SERINC4: variants seen among roughly 807,000 people sequenced by gnomAD.
SERINC4 encodes serine incorporator 4.
In SERINC4, 52 loss-of-function variants were observed where a neutral mutation model predicts 52.0. That is an observed-to-expected ratio of 1.00 (90% CI 0.80 to 1.26). The LOEUF (loss-of-function observed/expected upper bound fraction) is 1.26. Ranked by LOEUF, SERINC4 falls within the 50% of genes most tolerant of loss-of-function variation. SERINC4 has a pLI of 0.00. For synonymous variants in SERINC4, 264 were observed against 247.7 expected, an observed-to-expected ratio of 1.07 and a Z score of -0.62; for missense variants, 723 against 632.8, an observed-to-expected ratio of 1.14 and a Z score of -1.53.
At position 43,795,502 on chromosome 15, in the gene SERINC4, GTTTCTTGGTC is replaced by G. The variant is rs1242388784; in HGVS notation, c.1219_1228del (p.Asp407ProfsTer92). 6.2e-7 allele frequency: 1 copy of G among 1,614,210 alleles called. No homozygotes were observed. Among genetic ancestry groups the G allele is most frequent in the East Asian group, 2.2e-5 (1 of 44,884 alleles). On this transcript the variant is annotated frameshift_variant, in exon 11 of 12. Coordinates refer to ENST00000319327, the MANE Select transcript of SERINC4 (RefSeq NM_001258031.2). LOFTEE classifies it high-confidence loss of function. Reference sequence around the variant, plus strand: ...GACTTGGACTGGAGGAGCTGGAGGGGTTTCTTGGTCAGCTGGCCTCGCAGCCCCACCCCTT... The same window carrying G: ...GACTTGGACTGGAGGAGCTGGAGGGGAGCTGGCCTCGCAGCCCCACCCCTT...
intron 3 of SERINC4, 80 bp downstream of exon 3, chr15:43,798,879 T>C (rs2087262704): frequency 7.2e-7 from 1 of 1,397,364 alleles, no homozygotes; most frequent in Non-Finnish European, 9.9e-7. Context: ...TGCTATTACT[T>C]CATCCCGGAA....
At chr15:43,796,282 G>A in intron 8 of SERINC4, 55 bp from the exon 9 acceptor site, 2 of 1,359,032 alleles carry the variant, frequency 1.5e-6, no homozygotes, top group East Asian at 2.3e-5. Flanking sequence ...TTATCTGGGG[G>A]CATTTACTAC....
Position 43,797,998 on chromosome 15 carries a change from C to G in SERINC4, c.554G>C (p.Gly185Ala). 6.2e-6 allele frequency: 10 copies of G among 1,613,124 alleles called. No individual in the cohort carries two copies. Among genetic ancestry groups the G allele is most frequent in the Non-Finnish European group, 7.6e-6 (9 of 1,179,222 alleles). The change falls in exon 5 of 12, where the codon GGC becomes GCC. Residue 185 changes from glycine to alanine, a missense_variant. Transcript: ENST00000319327. The stretch of plus-strand genomic sequence containing the variant: ...GATGAATGCAAAGCCTCCACAGATG[C>G]CAATGTAATGCCATGCTGCAAGATG... ...EHLFPAWHYIGICGGFAFILL... is the reference protein window; with the variant it reads ...EHLFPAWHYIAICGGFAFILL...
At chr15:43,798,203 C>T (rs2087250671) in intron 4 of SERINC4, 190 bp from the exon 5 acceptor site, 2 of 609,096 alleles carry the variant, frequency 3.3e-6, no homozygotes, top group South Asian at 1.9e-5. Context: ...GTGCGTGCCA[C>T]CATGCCCGGC....
At position 43,796,055 on chromosome 15, in the gene SERINC4, A is replaced by G. The variant is rs556494865; in HGVS notation, c.1140+100T>C. The G allele has an allele frequency of 3.5e-6, 3 of 857,484 alleles. No individual in the cohort carries two copies. The South Asian group carries it at 4.3e-5, about 12-fold the overall frequency. 53.1% of individuals were successfully genotyped at this position (857,484 alleles called of 1,614,324 possible). A position where few individuals can be genotyped will look rare whatever the true frequency, so the allele number is the denominator to read the frequency against. ...TGGGTACTCAATAAAAGGTAACAGC[A>G]GCTATAATCTGAGCATTCTGGGTAG... On this transcript the variant is annotated intron_variant, in intron 9 of 11. Transcript: ENST00000319327.
chr15:43,797,837 G>C (rs2087244048), intron 5 of SERINC4, 83 bp downstream of exon 5: 1 of 925,472 alleles, frequency 1.1e-6, no homozygotes, highest in African/African-American at 1.6e-5. Flanking sequence ...CCAGTGCTCT[G>C]CCGTGCCTTT....
At position 43,800,121 on chromosome 15, in the gene SERINC4, G is replaced by A. The variant is rs1007400616; in HGVS notation, c.-135C>T. The A allele has an allele frequency of 6.1e-6, 4 of 650,652 alleles. No homozygotes were observed. The highest frequency in any genetic ancestry group is 3.2e-5 in the Admixed American group (1 of 31,514). The allele number at this position is 650,652 out of a possible 1,614,324, so 40.3% of individuals were successfully genotyped here. A position where few individuals can be genotyped will look rare whatever the true frequency, so the allele number is the denominator to read the frequency against. On this transcript the variant is annotated 5_prime_UTR_variant, in exon 1 of 12. Coordinates refer to ENST00000319327, the MANE Select transcript of SERINC4 (RefSeq NM_001258031.2). Reference sequence around the variant, plus strand: ...GGTCCCGGGCAGAATGGAGACGTCCGGAAGAGAACACTGACCTCCAGGTTG... The same window carrying A: ...GGTCCCGGGCAGAATGGAGACGTCCAGAAGAGAACACTGACCTCCAGGTTG...
chr15:43,798,053 C>CTT (rs751738258), intron 4 of SERINC4, 40 bp from the exon 5 acceptor site: 1,417 of 1,189,468 alleles, frequency 1.2e-3, no homozygotes, highest in Non-Finnish European at 1.4e-3. Flanking sequence ...CAAATTGTTA[C>CTT]TTTTTTTTTT....
chr15:43,795,768 C>T, intron 9 of SERINC4, 32 bp from the exon 10 acceptor site: 1 of 1,607,424 alleles, frequency 6.2e-7, no homozygotes, highest in East Asian at 2.2e-5. Context: ...TTGGAATGGT[C>T]TTAAAAGATG....
chr15:43,798,389 A>C (rs919212837), intron 4 of SERINC4, 36 bp downstream of exon 4: 8 of 1,489,548 alleles, frequency 5.4e-6, no homozygotes, highest in Non-Finnish European at 7.5e-6. Context: ...TAGAAAACTT[A>C]GCCTACTCCT....
At chr15:43,797,851 C>G in intron 5 of SERINC4, 69 bp downstream of exon 5, 1 of 1,155,074 alleles carries the variant, frequency 8.7e-7, no homozygotes, top group Non-Finnish European at 1.3e-6. Context: ...TGCCTTTTGC[C>G]CAGCCCTTTC....
rs963565349 is a variant in SERINC4 at position 43,799,936 on chromosome 15, T to G, written c.51A>C (p.Ala17=). ...CACTGCTGCCTCCGCTGTGCTGCTG[T>G]GCCAGGCCCAGGGAGGTGCCGGGGC... ...GPSPGTSLGL[A]QQHSGGSSVL... Residue 17 remains alanine (A), a synonymous_variant, in exon 1 of 12, where the codon GCA becomes GCC. Transcript: ENST00000319327. 1 of 1,549,532 alleles carries G rather than the reference T, an allele frequency of 6.5e-7. No individual in the cohort carries two copies. Among genetic ancestry groups the G allele is most frequent in the African/African-American group, 1.4e-5 (1 of 72,998 alleles).
chr15:43,797,364 T>TG lies in SERINC4; in HGVS notation c.633-9dup. 6.5e-7 allele frequency: 1 copy of TG among 1,542,876 alleles called. No individual in the cohort carries two copies. The highest frequency in any genetic ancestry group is 8.7e-7 in the Non-Finnish European group (1 of 1,144,858). On this transcript the variant is annotated splice_polypyrimidine_tract_variant and intron_variant, in intron 5 of 11. Coordinates refer to ENST00000319327, the MANE Select transcript of SERINC4 (RefSeq NM_001258031.2). Reference sequence around the variant, plus strand: ...TGAGCTGCACCTGTCTGCCTAAGGGTGGAAAGTGGGCAATGGCTTGGAGCT... The same window carrying TG: ...TGAGCTGCACCTGTCTGCCTAAGGGTGGGAAAGTGGGCAATGGCTTGGAGCT...
At position 43,795,431 on chromosome 15, in the gene SERINC4, G is replaced by T. The variant is rs924844763; in HGVS notation, c.1300C>A (p.Leu434Ile). The change falls in exon 11 of 12, where the codon CTT becomes ATT. Residue 434 changes from leucine to isoleucine, a missense_variant. Leu to Ile is a conservative substitution (Grantham distance 5). Coordinates refer to ENST00000319327, the MANE Select transcript of SERINC4 (RefSeq NM_001258031.2). ...NYSAFHFVFF[L>I]ASLYVMVTLT... The stretch of plus-strand genomic sequence containing the variant: ...GTAACCATGACATAGAGTGAGGCAA[G>T]GAAGAAGACGAAGTGGAAGGCAGAA... The T allele has an allele frequency of 1.2e-6, 2 of 1,614,184 alleles. No individual in the cohort carries two copies. The highest frequency in any genetic ancestry group is 1.1e-5 in the South Asian group (1 of 91,088).
chr15:43,796,114 G>T, intron 9 of SERINC4, 41 bp downstream of exon 9: 1 of 1,384,520 alleles, frequency 7.2e-7, no homozygotes, highest in Non-Finnish European at 1.0e-6. Flanking sequence ...CTTTGTGTGG[G>T]GGAGGGAGGG....
At chr15:43,797,758 T>G (rs1164426457) in intron 5 of SERINC4, 162 bp downstream of exon 5, 1 of 604,882 alleles carries the variant, frequency 1.7e-6, no homozygotes, top group Admixed American at 2.9e-5. Flanking sequence ...TGACTAGCCA[T>G]CCTACTTGGC....
Position 43,799,877 on chromosome 15 carries a change from C to G in SERINC4, c.102+8G>C. The G allele has an allele frequency of 1.3e-6, 2 of 1,541,482 alleles. No individual in the cohort carries two copies. Among genetic ancestry groups the G allele is most frequent in the Non-Finnish European group, 1.8e-6 (2 of 1,141,270 alleles). ...GCTTCGGCCACTCTCCCCTTCGCACCCTCTCACCTGACAGAAGGGACTTTT... is the reference window on the plus strand; with the variant it reads ...GCTTCGGCCACTCTCCCCTTCGCACGCTCTCACCTGACAGAAGGGACTTTT... On this transcript the variant is annotated splice_region_variant and intron_variant, in intron 1 of 11. Coordinates refer to ENST00000319327, the MANE Select transcript of SERINC4 (RefSeq NM_001258031.2).
At position 43,797,312 on chromosome 15, in the gene SERINC4, A is replaced by G; in HGVS notation, c.677T>C (p.Leu226Pro). 1.9e-6 allele frequency: 3 copies of G among 1,549,240 alleles called. No homozygotes were observed. The highest frequency in any genetic ancestry group is 2.6e-6 in the Non-Finnish European group (3 of 1,146,950). Residue 226 changes from leucine to proline, a missense_variant, in exon 6 of 12, where the codon CTG becomes CCG. Transcript: ENST00000319327. ...GCTGTAGAATCCTAGGGTGGCCAGC[A>G]GGACAGCCAGGAACCAGCTACAGTC... ...AQDCSWFLAV[L>P]LATLGFYSMA...
chr15:43,797,839 C>A (rs967089966), intron 5 of SERINC4, 81 bp downstream of exon 5: 5 of 943,224 alleles, frequency 5.3e-6, no homozygotes, highest in Non-Finnish European at 3.4e-6. Flanking sequence ...AGTGCTCTGC[C>A]GTGCCTTTTG....
Sources: gnomAD v4.1 joint callset for allele counts on GRCh38, gnomAD v4.1.1 for gene constraint, MANE v1.5 for transcripts, NCBI Gene and HGNC (gene_info 2026-07-23, HGNC 2026-07-21) for gene names.